The following SYT14 variants were observed in gnomAD, a reference collection of about 807,000 sequenced individuals.
SYT14 encodes synaptotagmin-14.
Under a neutral mutation model 74.2 loss-of-function variants are expected in SYT14, and 32 were observed. The observed-to-expected ratio is 0.43, with a 90% CI of 0.33 to 0.58. SYT14 has a LOEUF of 0.58. Ranked by LOEUF, SYT14 falls within the 20% of genes least tolerant of loss-of-function variation. SYT14 has a pLI of 0.05. For missense variants in SYT14, 791 were observed against 981.8 expected (o/e 0.81, Z 2.60); for synonymous variants, 298 against 337.7 (o/e 0.88, Z 1.29).
chr1:210,039,747 G>A (rs553322127), intron 5 of SYT14, among the ~76,000 whole-genome samples: 1 of 152,280 alleles, frequency 6.6e-6, no homozygotes, highest in East Asian at 1.9e-4. Context: ...CTCAAAAGAA[G>A]ACATTTATGT....
intron 2 of SYT14, among the ~76,000 whole-genome samples, chr1:209,993,677 C>T (rs569359632): frequency 6.6e-6 from 1 of 152,190 alleles, no homozygotes; most frequent in Admixed American, 6.5e-5. Flanking sequence ...GAACACCTAA[C>T]AAAAGAAACT....
At chr1:210,072,406 C>CA (rs1365198714) in intron 5 of SYT14, among the ~76,000 whole-genome samples, 6 of 151,634 alleles carry the variant, frequency 4.0e-5, no homozygotes, top group African/African-American at 1.5e-4. Context: ...AATTAGTTGC[C>CA]AAAAATAGAG....
chr1:210,091,440 A>G (rs2081865463), intron 5 of SYT14, among the ~76,000 whole-genome samples: 2 of 152,210 alleles, frequency 1.3e-5, no homozygotes, highest in East Asian at 1.9e-4. Context: ...TGTAATCCCA[A>G]CACCTTGGGA....
At chr1:210,074,267 A>G (rs774150450) in intron 5 of SYT14, among the ~76,000 whole-genome samples, 2 of 152,186 alleles carry the variant, frequency 1.3e-5, no homozygotes, top group African/African-American at 2.4e-5. Context: ...AAAAATTACA[A>G]TAAGGTTGAT....
chr1:209,982,948 G>T (rs1333794682), intron 2 of SYT14, among the ~76,000 whole-genome samples: 3 of 152,068 alleles, frequency 2.0e-5, no homozygotes, highest in Non-Finnish European at 2.9e-5. Flanking sequence ...GATAACAGAT[G>T]TTGTGGAGTG....
chr1:210,019,131 C>CAAAAAAAA lies in SYT14; in HGVS notation c.1097-1892_1097-1885dup, dbSNP rs1215149823. On this transcript the variant is annotated intron_variant, in intron 4 of 9. Coordinates refer to ENST00000637265, the Ensembl canonical transcript of SYT14. ...AGACTGGCAACAGGGTGAGACTCCT[C>CAAAAAAAA]AAAAAAAAAAAAAAAAAAAAAAAGG... is the stretch of plus-strand genomic sequence containing the variant. Among the ~76,000 whole-genome samples, 4 of 56,664 alleles carry CAAAAAAAA rather than the reference C, an allele frequency of 7.1e-5. 1 individual carries two copies. In the Admixed American group the frequency reaches 8.2e-4, roughly 12 times the overall value. 37.2% of individuals were successfully genotyped at this position (56,664 alleles called of 152,430 possible). A position where few individuals can be genotyped will look rare whatever the true frequency, so the allele number is the denominator to read the frequency against.
At chr1:209,994,924 T>C (rs573183256) in intron 2 of SYT14, among the ~76,000 whole-genome samples, 1 of 152,322 alleles carries the variant, frequency 6.6e-6, no homozygotes, top group South Asian at 2.1e-4. Context: ...AAAATCTTCA[T>C]CAGATTTTAA....
chr1:210,050,988 C>A (rs1331566236), intron 5 of SYT14, among the ~76,000 whole-genome samples: 1 of 152,210 alleles, frequency 6.6e-6, no homozygotes, highest in African/African-American at 2.4e-5. Flanking sequence ...AAATGAAGAT[C>A]TAGGTGTGCT....
At chr1:209,998,796 A>G (rs1012419441) in intron 2 of SYT14, among the ~76,000 whole-genome samples, 13 of 152,122 alleles carry the variant, frequency 8.5e-5, no homozygotes, top group African/African-American at 2.9e-4. Context: ...AATGAACTCA[A>G]GATTGATTAA....
At chr1:210,148,188 TG>T in intron 7 of SYT14, among the ~76,000 whole-genome samples, 1 of 152,276 alleles carries the variant, frequency 6.6e-6, no homozygotes, top group African/African-American at 2.4e-5. Flanking sequence ...CCTAAATTTG[TG>T]GATTTCAGCC....
chr1:210,061,653 A>G (rs893815750), intron 5 of SYT14, among the ~76,000 whole-genome samples: 1 of 151,946 alleles, frequency 6.6e-6, no homozygotes, highest in African/African-American at 2.4e-5. Context: ...ACTTCTAGAC[A>G]TGTAACTAGT....
At chr1:210,078,914 A>AT (rs111936834) in intron 5 of SYT14, among the ~76,000 whole-genome samples, 146 of 143,562 alleles carry the variant, frequency 1.0e-3, no homozygotes, top group Middle Eastern at 3.7e-3. Context: ...ATGCCTGGCT[A>AT]TTTTTTTTTT....
chr1:210,021,868 T>C (rs1012506441), intron 5 of SYT14, among the ~76,000 whole-genome samples: 3 of 152,248 alleles, frequency 2.0e-5, no homozygotes, highest in African/African-American at 7.2e-5. Context: ...TTTTGTGTTA[T>C]GTGCTGAAAT....
At chr1:210,118,889 A>C (rs1199247101) in intron 7 of SYT14, among the ~76,000 whole-genome samples, 1 of 152,196 alleles carries the variant, frequency 6.6e-6, no homozygotes, top group Non-Finnish European at 1.5e-5. Context: ...AAACAGAAGC[A>C]ATGTTTTATT....
At chr1:210,131,545 T>A (rs1479810871) in intron 7 of SYT14, among the ~76,000 whole-genome samples, 2 of 151,346 alleles carry the variant, frequency 1.3e-5, no homozygotes, top group African/African-American at 4.8e-5. Flanking sequence ...TTATCATTAT[T>A]TATATATATA....
intron 2 of SYT14, among the ~76,000 whole-genome samples, chr1:209,993,096 G>A (rs2079722912): frequency 6.6e-6 from 1 of 152,214 alleles, no homozygotes. Flanking sequence ...AGATGTTGCA[G>A]AGCCTGGGAG....
chr1:209,948,704 A>G (rs1299339172), intron 1 of SYT14, among the ~76,000 whole-genome samples: 3 of 152,078 alleles, frequency 2.0e-5, no homozygotes, highest in Admixed American at 2.0e-4. Flanking sequence ...TTTTCTGACA[A>G]TTAACTAGTG....
chr1:209,974,511 C>T (rs1010029362), intron 2 of SYT14, among the ~76,000 whole-genome samples: 3 of 152,214 alleles, frequency 2.0e-5, no homozygotes, highest in Admixed American at 6.5e-5. Context: ...TGTCAAAGAT[C>T]GGGTGGTTGT....
chr1:210,023,285 A>G (rs1029293560), intron 5 of SYT14, among the ~76,000 whole-genome samples: 1 of 152,194 alleles, frequency 6.6e-6, no homozygotes, highest in Non-Finnish European at 1.5e-5. Context: ...TATACGTAAT[A>G]TGATGAGAGG....
Sources: gnomAD v4.1 joint callset for allele counts (sites outside exome capture counted in the v4.1 genomes callset) on GRCh38, gnomAD v4.1.1 for gene constraint, MANE v1.5 for transcripts, NCBI Gene and HGNC (gene_info 2026-07-23, HGNC 2026-07-21) for gene names.